Variants in GOLM2 observed in about 807,000 individuals in gnomAD.
GOLM2 encodes golgi membrane protein 2, also known as protein GOLM2.
GOLM2 carries 26 observed loss-of-function variants against 55.9 expected under a neutral mutation model. The observed-to-expected ratio is 0.47, with a 90% CI of 0.34 to 0.65. The LOEUF is 0.65. Among genes scored for constraint, GOLM2 ranks in the 30% least tolerant of loss-of-function variants. GOLM2 has a pLI of 0.01. For synonymous variants in GOLM2, 165 were observed against 194.6 expected (o/e 0.85, Z 1.27); for missense variants, 486 against 531.8 (o/e 0.91, Z 0.85).
intron 6 of GOLM2, among the ~76,000 whole-genome samples, chr15:44,351,216 G>GTTAAATA (rs1373928063): frequency 1.3e-5 from 2 of 152,012 alleles, no homozygotes; most frequent in African/African-American, 4.8e-5. Context: ...GAAGGTGAAA[G>GTTAAATA]GATTCCCACT....
At chr15:44,326,801 G>A (rs1236342761) in intron 2 of GOLM2, among the ~76,000 whole-genome samples, 2 of 150,766 alleles carry the variant, frequency 1.3e-5, no homozygotes, top group East Asian at 2.0e-4. Flanking sequence ...ACAGGCATGC[G>A]CCACCACACC....
intron 1 of GOLM2, among the ~76,000 whole-genome samples, chr15:44,298,713 A>G (rs1033721031): frequency 6.6e-6 from 1 of 152,176 alleles, no homozygotes; most frequent in Admixed American, 6.5e-5. Context: ...AGGAAGGACT[A>G]TGTTTTAAAT....
At chr15:44,341,162 G>A (rs1396054458) in intron 6 of GOLM2, among the ~76,000 whole-genome samples, 1 of 146,622 alleles carries the variant, frequency 6.8e-6, no homozygotes, top group African/African-American at 2.5e-5. Context: ...CTCACTGCAA[G>A]CTTTGCCTCC....
chr15:44,388,273 CAA>C (rs35283840), intron 8 of GOLM2, among the ~76,000 whole-genome samples: 27 of 68,554 alleles, frequency 3.9e-4, no homozygotes, highest in Admixed American at 9.0e-4. Context: ...GACCCTGTCT[CAA>C]AAAAAAAAAA....
chr15:44,412,312 A>G (rs2079643867), intron 9 of GOLM2, among the ~76,000 whole-genome samples: 1 of 152,246 alleles, frequency 6.6e-6, no homozygotes, highest in Admixed American at 6.5e-5. Flanking sequence ...CATAGCCAAG[A>G]AAGAGCCAGA....
chr15:44,410,338 G>A (rs2079629476), intron 9 of GOLM2, among the ~76,000 whole-genome samples: 1 of 152,232 alleles, frequency 6.6e-6, no homozygotes, highest in South Asian at 2.1e-4. Context: ...GGCTGAGGCA[G>A]GAGAATGGCG....
intron 6 of GOLM2, among the ~76,000 whole-genome samples, chr15:44,346,493 C>T (rs1019773440): frequency 7.9e-5 from 12 of 152,138 alleles, no homozygotes; most frequent in African/African-American, 2.9e-4. Flanking sequence ...AATGCAGTAG[C>T]CATTGGTCAC....
intron 1 of GOLM2, among the ~76,000 whole-genome samples, chr15:44,298,562 C>T (rs1009478449): frequency 1.3e-5 from 2 of 152,054 alleles, no homozygotes; most frequent in Admixed American, 1.3e-4. Context: ...AGGTGTGAGC[C>T]ACTGCTCCCA....
chr15:44,378,118 G>A (rs1446832412), intron 6 of GOLM2, among the ~76,000 whole-genome samples: 2 of 150,684 alleles, frequency 1.3e-5, no homozygotes, highest in Non-Finnish European at 3.0e-5. Flanking sequence ...GTGTGACCTC[G>A]GCTCACTGCA....
intron 1 of GOLM2, chr15:44,308,483 T>G (rs1341047857): frequency 6.6e-6 from 1 of 152,240 alleles, no homozygotes; most frequent in Non-Finnish European, 1.5e-5. Context: ...ACTTGAGTTC[T>G]TCCCCTCTTT....
chr15:44,357,748 T>A (rs904100967), intron 6 of GOLM2, among the ~76,000 whole-genome samples: 1 of 152,198 alleles, frequency 6.6e-6, no homozygotes, highest in African/African-American at 2.4e-5. Flanking sequence ...CTTTTCCATA[T>A]ACCAGCAGTC....
intron 6 of GOLM2, among the ~76,000 whole-genome samples, chr15:44,356,928 T>C (rs2079202105): frequency 6.6e-6 from 1 of 152,154 alleles, no homozygotes; most frequent in Non-Finnish European, 1.5e-5. Flanking sequence ...CCTAGCACTT[T>C]GGGAGGCCAA....
chr15:44,337,746 C>T lies in GOLM2; in HGVS notation c.577-17C>T. 2 of 1,542,362 alleles carry T rather than the reference C, an allele frequency of 1.3e-6. No homozygotes were observed. Among genetic ancestry groups the T allele is most frequent in the East Asian group, 2.4e-5 (1 of 41,720 alleles). The stretch of plus-strand genomic sequence containing the variant: ...AATTTGAACTGAAAAATATTATTAC[C>T]AAATTTTGTCTAACAGCAAGAGACC... On this transcript the variant is annotated splice_polypyrimidine_tract_variant and intron_variant, in intron 4 of 9. Transcript: ENST00000299957.
intron 8 of GOLM2, among the ~76,000 whole-genome samples, chr15:44,391,620 A>G (rs965013418): frequency 5.9e-5 from 9 of 152,122 alleles, no homozygotes; most frequent in Admixed American, 3.9e-4. Flanking sequence ...ACATCAATAT[A>G]GATCCTACAA....
chr15:44,378,505 G>A (rs141369660), intron 6 of GOLM2, among the ~76,000 whole-genome samples: 2,962 of 151,290 alleles, frequency 0.02, 30 homozygotes, highest in Non-Finnish European at 0.03. Context: ...TTACAGACAC[G>A]CACCACCATG....
rs1043087322 is a variant in GOLM2, at chr15:44,414,182, C to T, written c.*776C>T. 1.3e-5 allele frequency: 2 copies of T among 152,128 alleles called. No individual in the cohort carries two copies. The highest frequency in any genetic ancestry group is 4.8e-5 in the African/African-American group (2 of 41,412). The allele number at this position is 152,128 out of a possible 1,614,324, so 9.4% of individuals were successfully genotyped here. A position where few individuals can be genotyped will look rare whatever the true frequency, so the allele number is the denominator to read the frequency against. On this transcript the variant is annotated 3_prime_UTR_variant, in exon 10 of 10. Transcript: ENST00000299957. ...CCAACAGCTGTTCTGTTCTATCTAC[C>T]CCTCATTTCACGCTCAAGGAGTCAT...
At chr15:44,400,575 T>G (rs905029804) in intron 8 of GOLM2, among the ~76,000 whole-genome samples, 101 of 85,560 alleles carry the variant, frequency 1.2e-3, no homozygotes, top group African/African-American at 6.0e-3. Flanking sequence ...CCTTGCCGCC[T>G]TTTTTTTTTT....
intron 1 of GOLM2, among the ~76,000 whole-genome samples, chr15:44,306,911 T>C (rs1304087394): frequency 6.6e-6 from 1 of 152,188 alleles, no homozygotes; most frequent in Non-Finnish European, 1.5e-5. Context: ...CTCACTGTCC[T>C]CTATGAGTGC....
intron 8 of GOLM2, among the ~76,000 whole-genome samples, chr15:44,386,848 G>A (rs539111710): frequency 1.3e-5 from 2 of 151,392 alleles, no homozygotes; most frequent in East Asian, 3.9e-4. Flanking sequence ...TCCAGCTTGG[G>A]TGACAAAGTG....
Sources: allele counts gnomAD v4.1 joint callset (sites outside exome capture counted in the v4.1 genomes callset), GRCh38; gene constraint gnomAD v4.1.1; transcripts MANE v1.5; gene names NCBI Gene and HGNC (gene_info 2026-07-23, HGNC 2026-07-21).